The following METTL15 variants were observed in gnomAD, a reference collection of about 807,000 sequenced individuals.
The protein encoded by METTL15 is methyltransferase 15, mitochondrial 12S rRNA N4-cytidine.
A neutral mutation model predicts 38.3 loss-of-function variants in METTL15; 34 were observed. The observed-to-expected ratio is 0.89, with a 90% CI of 0.68 to 1.18. The LOEUF is 1.18. Ranked by LOEUF, METTL15 falls within the 50% of genes most tolerant of loss-of-function variation. METTL15 has a pLI of 0.00. For synonymous variants in METTL15, 162 were observed against 170.9 expected (o/e 0.95, Z 0.41); for missense variants, 438 against 498.4 (o/e 0.88, Z 1.15).
chr11:28,318,618 T>A (rs901734105), intron 6 of METTL15, among the ~76,000 whole-genome samples: 1 of 152,198 alleles, frequency 6.6e-6, no homozygotes, highest in Non-Finnish European at 1.5e-5. Context: ...AAAACAAAAA[T>A]TATTGTTTTA....
chr11:28,521,757 G>A (rs1590403039), intron 6 of METTL15, among the ~76,000 whole-genome samples: 2 of 152,196 alleles, frequency 1.3e-5, no homozygotes, highest in South Asian at 4.1e-4. Flanking sequence ...TAGTCTGGGA[G>A]TTTCTCTCAA....
At chr11:28,254,311 A>T (rs1208107365) in intron 4 of METTL15, among the ~76,000 whole-genome samples, 1 of 152,102 alleles carries the variant, frequency 6.6e-6, no homozygotes, top group Non-Finnish European at 1.5e-5. Context: ...TCTTTTGCTG[A>T]CTTTTTATAT....
intron 6 of METTL15, among the ~76,000 whole-genome samples, chr11:28,442,692 C>A (rs1490638273): frequency 1.3e-5 from 2 of 152,170 alleles, no homozygotes; most frequent in African/African-American, 4.8e-5. Context: ...ATTAGCTTTT[C>A]ACTTGCAGAG....
At chr11:28,122,032 A>G (rs1052938101) in intron 3 of METTL15, 29 of 560,902 alleles carry the variant, frequency 5.2e-5, no homozygotes, top group Non-Finnish European at 7.0e-5. Context: ...CATTTAATAA[A>G]TTGTATATGA....
At chr11:28,482,552 C>T (rs1851404346) in intron 6 of METTL15, among the ~76,000 whole-genome samples, 1 of 152,188 alleles carries the variant, frequency 6.6e-6, no homozygotes, top group South Asian at 2.1e-4. Context: ...AAAACAAGTT[C>T]TATATTTACA....
intron 6 of METTL15, among the ~76,000 whole-genome samples, chr11:28,513,117 C>A (rs1323539933): frequency 6.6e-6 from 1 of 152,140 alleles, no homozygotes; most frequent in African/African-American, 2.4e-5. Flanking sequence ...ACTCACTGCA[C>A]ATTTTCTTCC....
At chr11:28,430,232 G>A (rs1320500534) in intron 6 of METTL15, among the ~76,000 whole-genome samples, 3 of 150,780 alleles carry the variant, frequency 2.0e-5, no homozygotes, top group African/African-American at 7.3e-5. Flanking sequence ...AGGTGGGGGG[G>A]GTCAGCCCCC....
At chr11:28,375,405 G>A (rs1160373890) in intron 5 of METTL15, among the ~76,000 whole-genome samples, 3 of 152,020 alleles carry the variant, frequency 2.0e-5, no homozygotes, top group African/African-American at 7.2e-5. Context: ...GATAGTGTAT[G>A]TGTCGAGGAA....
intron 4 of METTL15, among the ~76,000 whole-genome samples, chr11:28,218,327 A>T (rs1853006651): frequency 6.6e-6 from 1 of 152,072 alleles, no homozygotes; most frequent in Non-Finnish European, 1.5e-5. Context: ...GCAATTGTGA[A>T]TGGGAGTTCA....
chr11:28,344,189 T>C (rs958680983), intron 3 of METTL15, among the ~76,000 whole-genome samples: 15 of 152,202 alleles, frequency 9.9e-5, no homozygotes, highest in Non-Finnish European at 1.8e-4. Context: ...AAATGCTCTC[T>C]GTAGGATGAC....
chr11:28,151,474 C>T (rs1850087227), intron 3 of METTL15, among the ~76,000 whole-genome samples: 1 of 151,918 alleles, frequency 6.6e-6, no homozygotes, highest in Non-Finnish European at 1.5e-5. Context: ...GCCCATTTTA[C>T]CTCTTCAACC....
At chr11:28,244,311 A>T (rs142530397) in intron 4 of METTL15, among the ~76,000 whole-genome samples, 12 of 152,220 alleles carry the variant, frequency 7.9e-5, no homozygotes, top group Admixed American at 1.3e-4. Context: ...ATTTATTGTA[A>T]TTTTTTGTCC....
rs544131619 is a variant in METTL15, at chr11:28,228,180, C to T, written c.407+16982C>T. 3.9e-5 allele frequency among the ~76,000 whole-genome samples: 6 copies of T among 151,950 alleles called. No individual in the cohort carries two copies. In the East Asian group the frequency reaches 9.7e-4, roughly 25 times the overall value. On this transcript the variant is annotated intron_variant, in intron 4 of 6. Coordinates refer to ENST00000407364, the MANE Select transcript of METTL15 (RefSeq NM_001113528.2). ...GTAATTACCTTTTTCTCAGAATCTC[C>T]TCCCTTGTGTGTAATCAGTAAGGCT...
At chr11:28,355,342 A>C (rs529878291) in intron 4 of METTL15, among the ~76,000 whole-genome samples, 1 of 152,206 alleles carries the variant, frequency 6.6e-6, no homozygotes, top group East Asian at 1.9e-4. Context: ...GCCTGGGGGA[A>C]AAATTTTATT....
At chr11:28,206,254 A>G (rs76108855) in intron 3 of METTL15, among the ~76,000 whole-genome samples, 55,337 of 148,772 alleles carry the variant, frequency 0.37, 11,890 homozygotes, top group African/African-American at 0.59. Flanking sequence ...TAACGTTTAA[A>G]TCTTTAATCC....
intron 6 of METTL15, among the ~76,000 whole-genome samples, chr11:28,450,971 G>C (rs1233498789): frequency 6.6e-6 from 1 of 152,142 alleles, no homozygotes; most frequent in African/African-American, 2.4e-5. Context: ...GCTCAAACAG[G>C]TTAAGCGACT....
rs748526146 is a variant in METTL15, at chr11:28,290,347, T to A, written c.549T>A (p.Gly183=). The A allele has an allele frequency of 3.2e-5, 52 of 1,612,876 alleles. No individual in the cohort carries two copies. The highest frequency in any genetic ancestry group is 4.4e-5 in the Non-Finnish European group (52 of 1,179,326). The change falls in exon 5 of 7, where the codon GGT becomes GGA. Residue 183 remains glycine (G), a synonymous_variant. Coordinates refer to ENST00000407364, the MANE Select transcript of METTL15 (RefSeq NM_001113528.2). ...SSMQLDTPER[G]FSLRKDGPLD... is the part of the protein sequence containing the mutation. The stretch of plus-strand genomic sequence containing the variant: ...TGCAACTTGATACTCCTGAAAGAGG[T>A]TTTTCCCTTCGGAAAGATGGCCCTT...
At chr11:28,390,954 A>C (rs925169279) in intron 5 of METTL15, among the ~76,000 whole-genome samples, 19 of 152,192 alleles carry the variant, frequency 1.2e-4, no homozygotes, top group African/African-American at 4.3e-4. Context: ...CGTCCCTTGT[A>C]AGTTGGATTC....
intron 4 of METTL15, among the ~76,000 whole-genome samples, chr11:28,228,413 T>C (rs967915490): frequency 2.0e-5 from 3 of 152,066 alleles, no homozygotes; most frequent in Admixed American, 6.6e-5. Flanking sequence ...CATTACATAC[T>C]TCCTAGAAAT....
Sources: allele counts gnomAD v4.1 joint callset (sites outside exome capture counted in the v4.1 genomes callset), GRCh38; gene constraint gnomAD v4.1.1; transcripts MANE v1.5; gene names NCBI Gene and HGNC (gene_info 2026-07-23, HGNC 2026-07-21).